BMPR1B: variants seen among roughly 807,000 people sequenced by gnomAD.
BMPR1B encodes bone morphogenetic protein receptor type-1B.
BMPR1B carries 12 observed loss-of-function variants against 59.1 expected under a neutral mutation model. The observed-to-expected ratio is 0.20, with a 90% CI of 0.13 to 0.33. BMPR1B has a LOEUF of 0.33. Among genes scored for constraint, BMPR1B ranks in the 10% least tolerant of loss-of-function variants. The probability of loss-of-function intolerance (pLI) is 1.00; values close to 1 mark genes in which losing one functional copy is unlikely to be tolerated. For synonymous variants in BMPR1B, 237 were observed against 207.3 expected (o/e 1.14, Z -1.23); for missense variants, 550 against 610.9 (o/e 0.90, Z 1.05).
chr4:94,879,510 A>G (rs1034824815), intron 2 of BMPR1B, among the ~76,000 whole-genome samples: 1 of 152,166 alleles, frequency 6.6e-6, no homozygotes, highest in African/African-American at 2.4e-5. Flanking sequence ...AGGCTGAGGC[A>G]GGAGGATCAC....
intron 3 of BMPR1B, among the ~76,000 whole-genome samples, chr4:95,025,240 AGATC>A: frequency 6.6e-6 from 1 of 152,360 alleles, no homozygotes; most frequent in Non-Finnish European, 1.5e-5. Flanking sequence ...TCAAAGAATC[AGATC>A]GAGGCCAAAC....
Position 94,987,246 on chromosome 4 carries a change from A to G in BMPR1B, c.-112-8794A>G, listed in dbSNP as rs138042878. On this transcript the variant is annotated intron_variant, in intron 2 of 12. Transcript: ENST00000515059. ...ATATATAATATATGTAATATATAAT[A>G]TAATATAAAATATATATTATATATA... is the stretch of plus-strand genomic sequence containing the variant. 6.9e-3 allele frequency among the ~76,000 whole-genome samples: 1,005 copies of G among 146,276 alleles called. 10 individuals carry two copies. Among genetic ancestry groups the G allele is most frequent in the African/African-American group, 0.022 (898 of 40,170 alleles).
chr4:94,903,356 A>G (rs1343032807), intron 2 of BMPR1B, among the ~76,000 whole-genome samples: 3 of 152,044 alleles, frequency 2.0e-5, no homozygotes, highest in South Asian at 4.1e-4. Context: ...TCCTGTCTCT[A>G]TAGTGTCTAT....
chr4:94,851,534 T>C (rs1379103736), intron 1 of BMPR1B, among the ~76,000 whole-genome samples: 3 of 152,134 alleles, frequency 2.0e-5, no homozygotes, highest in African/African-American at 4.8e-5. Flanking sequence ...GAACATGTTT[T>C]TATCCTTGAT....
chr4:94,801,272 TAC>T (rs1723396520), intron 1 of BMPR1B, among the ~76,000 whole-genome samples: 1 of 152,214 alleles, frequency 6.6e-6, no homozygotes, highest in Admixed American at 6.5e-5. Context: ...GGTAAGAAAC[TAC>T]TACAACTAAA....
intron 1 of BMPR1B, among the ~76,000 whole-genome samples, chr4:94,834,164 T>TA: frequency 6.6e-6 from 1 of 152,332 alleles, no homozygotes; most frequent in East Asian, 1.9e-4. Context: ...TCCAAGGCTG[T>TA]AGAAGGCACA....
chr4:95,087,796 A>G (rs757430172), intron 3 of BMPR1B, among the ~76,000 whole-genome samples: 5 of 152,160 alleles, frequency 3.3e-5, no homozygotes, highest in Non-Finnish European at 5.9e-5. Flanking sequence ...TGTGTAGGAA[A>G]AGAAGTGATA....
intron 3 of BMPR1B, among the ~76,000 whole-genome samples, chr4:95,036,223 T>G (rs1259421989): frequency 6.6e-6 from 1 of 152,174 alleles, no homozygotes; most frequent in African/African-American, 2.4e-5. Flanking sequence ...GCATTTATCC[T>G]TAGTTTTACT....
At chr4:94,862,808 G>A (rs984328037) in intron 1 of BMPR1B, among the ~76,000 whole-genome samples, 2 of 152,030 alleles carry the variant, frequency 1.3e-5, no homozygotes, top group Admixed American at 6.6e-5. Context: ...AGCCGGGCGT[G>A]GTTGCGGGCA....
intron 3 of BMPR1B, among the ~76,000 whole-genome samples, chr4:95,083,519 G>C (rs1390780966): frequency 6.6e-6 from 1 of 152,126 alleles, no homozygotes; most frequent in Non-Finnish European, 1.5e-5. Flanking sequence ...AGGGGAAAAG[G>C]AGAGAGTTAC....
At chr4:95,071,392 C>T (rs1466340171) in intron 3 of BMPR1B, among the ~76,000 whole-genome samples, 1 of 151,992 alleles carries the variant, frequency 6.6e-6, no homozygotes, top group Non-Finnish European at 1.5e-5. Flanking sequence ...ATCACTCTGT[C>T]TGATCAGTAA....
chr4:94,969,940 C>T (rs1730708374), intron 2 of BMPR1B, among the ~76,000 whole-genome samples: 1 of 152,046 alleles, frequency 6.6e-6, no homozygotes, highest in South Asian at 2.1e-4. Context: ...CTTATGTTTC[C>T]TTACATGTAA....
At chr4:94,772,197 G>C (rs1722211470) in intron 1 of BMPR1B, among the ~76,000 whole-genome samples, 1 of 152,178 alleles carries the variant, frequency 6.6e-6, no homozygotes, top group African/African-American at 2.4e-5. Context: ...TTTGCAGCCT[G>C]CCCATACTGT....
intron 2 of BMPR1B, among the ~76,000 whole-genome samples, chr4:94,955,472 T>C (rs1730105691): frequency 6.6e-6 from 1 of 152,104 alleles, no homozygotes; most frequent in African/African-American, 2.4e-5. Flanking sequence ...ATGCCTTAAA[T>C]AGATTTGTAT....
At chr4:94,843,849 C>T (rs549675896) in intron 1 of BMPR1B, among the ~76,000 whole-genome samples, 1 of 152,150 alleles carries the variant, frequency 6.6e-6, no homozygotes, top group Non-Finnish European at 1.5e-5. Flanking sequence ...ACCTCCTGCT[C>T]TGGTCAGTTT....
At position 95,080,228 on chromosome 4, in the gene BMPR1B, A is replaced by G. The variant is rs777171681; in HGVS notation, c.-17-24180A>G. ...CTTAAAATATTTTATGTATGTATGT[A>G]TGTATGTACATATGTACGTATGTAT... On this transcript the variant is annotated intron_variant, in intron 3 of 12. Transcript: ENST00000515059. 1.2e-4 allele frequency among the ~76,000 whole-genome samples: 19 copies of G among 152,184 alleles called. No homozygotes were observed. The South Asian group carries it at 1.4e-3, about 12-fold the overall frequency.
intron 3 of BMPR1B, among the ~76,000 whole-genome samples, chr4:95,022,091 G>A (rs900145345): frequency 5.9e-5 from 9 of 152,190 alleles, no homozygotes; most frequent in Admixed American, 2.0e-4. Flanking sequence ...CTCGTTAGAT[G>A]GCGAGAGGCT....
At chr4:94,949,331 A>T (rs1273273295) in intron 2 of BMPR1B, among the ~76,000 whole-genome samples, 49 of 31,306 alleles carry the variant, frequency 1.6e-3, no homozygotes, top group African/African-American at 3.8e-3. Flanking sequence ...TTTTTTTGAG[A>T]CGGAGTCTCG....
chr4:94,976,455 A>G (rs1447221165), intron 2 of BMPR1B, among the ~76,000 whole-genome samples: 9 of 152,190 alleles, frequency 5.9e-5, no homozygotes, highest in Non-Finnish European at 1.3e-4. Context: ...ATAATCTGCC[A>G]CAGTCCATCC....
Sources: allele counts gnomAD v4.1 joint callset (sites outside exome capture counted in the v4.1 genomes callset), GRCh38; gene constraint gnomAD v4.1.1; transcripts MANE v1.5; gene names NCBI Gene and HGNC (gene_info 2026-07-23, HGNC 2026-07-21).